The following SLC35F3 variants were observed in gnomAD, a reference collection of about 807,000 sequenced individuals.
SLC35F3 encodes solute carrier family 35 member F3, also known as putative thiamine transporter SLC35F3.
SLC35F3 carries 25 observed loss-of-function variants against 49.9 expected under a neutral mutation model. That is an observed-to-expected ratio of 0.50 (90% confidence interval 0.37 to 0.70). SLC35F3 has a LOEUF of 0.70. Ranked by LOEUF, SLC35F3 falls within the 30% of genes least tolerant of loss-of-function variation. The pLI, the probability that SLC35F3 is intolerant of heterozygous loss-of-function variation, is 0.00. For missense variants in SLC35F3, 525 were observed against 639.8 expected (o/e 0.82, Z 1.94); for synonymous variants, 275 against 265.4 (o/e 1.04, Z -0.35).
intron 2 of SLC35F3, among the ~76,000 whole-genome samples, chr1:234,134,426 G>C (rs565656547): frequency 1.4e-5 from 2 of 147,860 alleles, no homozygotes; most frequent in Non-Finnish European, 3.0e-5. Flanking sequence ...ATGTATATTC[G>C]TGTAAATTAT....
At chr1:234,126,172 T>C (rs930471068) in intron 2 of SLC35F3, among the ~76,000 whole-genome samples, 3 of 152,214 alleles carry the variant, frequency 2.0e-5, no homozygotes, top group African/African-American at 4.8e-5. Context: ...ATTTTCTAAC[T>C]GCATCTTTCA....
intron 2 of SLC35F3, among the ~76,000 whole-genome samples, chr1:234,193,390 C>T (rs1191793118): frequency 6.6e-6 from 1 of 152,048 alleles, no homozygotes; most frequent in African/African-American, 2.4e-5. Context: ...TGGCAAGCTG[C>T]ATATAGGAGG....
chr1:234,121,185 G>A (rs1233276167), intron 2 of SLC35F3, among the ~76,000 whole-genome samples: 3 of 135,332 alleles, frequency 2.2e-5, no homozygotes, highest in Non-Finnish European at 4.6e-5. Flanking sequence ...GGCCCAGGCT[G>A]GACTGCAGTG....
intron 3 of SLC35F3, among the ~76,000 whole-genome samples, chr1:234,277,510 A>C (rs1273061737): frequency 6.6e-6 from 1 of 152,226 alleles, no homozygotes. Context: ...GCATAGGTAG[A>C]AAAACGTTTT....
At chr1:233,934,904 A>G (rs1662299442) in intron 2 of SLC35F3, among the ~76,000 whole-genome samples, 1 of 151,566 alleles carries the variant, frequency 6.6e-6, no homozygotes, top group Admixed American at 6.6e-5. Flanking sequence ...TAGCTTACAT[A>G]CATTCTAATC....
At chr1:233,956,080 G>T (rs895630439) in intron 2 of SLC35F3, among the ~76,000 whole-genome samples, 10 of 151,694 alleles carry the variant, frequency 6.6e-5, no homozygotes, top group African/African-American at 2.2e-4. Flanking sequence ...TGAAGACAGG[G>T]TTTCACCATG....
chr1:234,069,186 T>A (rs1664675940), intron 2 of SLC35F3, among the ~76,000 whole-genome samples: 1 of 139,178 alleles, frequency 7.2e-6, no homozygotes, highest in African/African-American at 2.6e-5. Flanking sequence ...ATATAAAATT[T>A]TATATATAAA....
At chr1:234,315,342 G>T (rs1657462350) in intron 4 of SLC35F3, among the ~76,000 whole-genome samples, 1 of 152,216 alleles carries the variant, frequency 6.6e-6, no homozygotes. Flanking sequence ...AACATCTTTT[G>T]TTTTAACTAC....
intron 3 of SLC35F3, among the ~76,000 whole-genome samples, chr1:234,290,824 C>T (rs896981896): frequency 2.6e-5 from 4 of 152,200 alleles, no homozygotes; most frequent in Admixed American, 2.6e-4. Flanking sequence ...CATTAAAGAA[C>T]CTGAGGGTTC....
chr1:234,216,859 C>T lies in SLC35F3; in HGVS notation c.284-14558C>T, dbSNP rs527598949. ...CTGGCAAGCCCCCAGTTGCATTTTTCGTGGGATACCTACAAGTATCCCATG... is the reference window on the plus strand; with the variant it reads ...CTGGCAAGCCCCCAGTTGCATTTTTTGTGGGATACCTACAAGTATCCCATG... On this transcript the variant is annotated intron_variant, in intron 2 of 7. Transcript: ENST00000366618. 7.9e-5 allele frequency among the ~76,000 whole-genome samples: 12 copies of T among 152,240 alleles called. No homozygotes were observed. In the South Asian group the frequency reaches 2.1e-3, roughly 26 times the overall value.
chr1:233,912,231 A>G (rs1206472037), intron 2 of SLC35F3, among the ~76,000 whole-genome samples: 1 of 152,102 alleles, frequency 6.6e-6, no homozygotes, highest in African/African-American at 2.4e-5. Context: ...TGTAATCTCA[A>G]TGCTTTGGGA....
chr1:234,030,852 A>T (rs1558210055), intron 2 of SLC35F3, among the ~76,000 whole-genome samples: 1 of 152,202 alleles, frequency 6.6e-6, no homozygotes, highest in Non-Finnish European at 1.5e-5. Context: ...GATGATTCTA[A>T]CAGTTACTCT....
At chr1:233,954,846 AT>A (rs532378311) in intron 2 of SLC35F3, among the ~76,000 whole-genome samples, 1 of 151,900 alleles carries the variant, frequency 6.6e-6, no homozygotes, top group Non-Finnish European at 1.5e-5. Context: ...CCAGTCTTCA[AT>A]TTTTTTTCTT....
intron 2 of SLC35F3, among the ~76,000 whole-genome samples, chr1:234,020,430 C>G (rs1333047744): frequency 6.6e-6 from 1 of 152,058 alleles, no homozygotes; most frequent in East Asian, 1.9e-4. Context: ...CCTTGTTCTT[C>G]CTGACATTAA....
chr1:234,149,221 C>T lies in SLC35F3; in HGVS notation c.284-82196C>T, dbSNP rs998126296. Among the ~76,000 whole-genome samples the T allele has an allele frequency of 7.2e-5, 11 of 152,060 alleles. No homozygotes were observed. The East Asian group carries it at 1.7e-3, about 24-fold the overall frequency. ...GAGTGAAGATGGAACATTACAGGGCCCCTTGGGGACATAAAATACCCATGG... is the reference window on the plus strand; with the variant it reads ...GAGTGAAGATGGAACATTACAGGGCTCCTTGGGGACATAAAATACCCATGG... On this transcript the variant is annotated intron_variant, in intron 2 of 7. Transcript: ENST00000366618.
chr1:234,159,508 C>T (rs1666197194), intron 2 of SLC35F3, among the ~76,000 whole-genome samples: 1 of 143,396 alleles, frequency 7.0e-6, no homozygotes, highest in Non-Finnish European at 1.5e-5. Flanking sequence ...ACCCGGGAGG[C>T]AGAGGTTGCA....
intron 3 of SLC35F3, among the ~76,000 whole-genome samples, chr1:234,306,882 A>G (rs185463796): frequency 2.2e-4 from 33 of 152,322 alleles, no homozygotes; most frequent in Non-Finnish European, 3.7e-4. Context: ...ATTGTTTTTC[A>G]TGACAGTGAG....
intron 2 of SLC35F3, chr1:234,212,986 A>C (rs1484505462): frequency 1.3e-5 from 2 of 152,246 alleles, no homozygotes; most frequent in Non-Finnish European, 2.9e-5. Flanking sequence ...GTGAGGAAGC[A>C]ACCCTGAGAA....
intron 2 of SLC35F3, among the ~76,000 whole-genome samples, chr1:234,025,523 G>T (rs1663964616): frequency 6.6e-6 from 1 of 152,186 alleles, no homozygotes; most frequent in Non-Finnish European, 1.5e-5. Flanking sequence ...TGACTGGTTT[G>T]AGATGGTGTC....
Sources: allele counts gnomAD v4.1 joint callset (sites outside exome capture counted in the v4.1 genomes callset), GRCh38; gene constraint gnomAD v4.1.1; transcripts MANE v1.5; gene names NCBI Gene and HGNC (gene_info 2026-07-23, HGNC 2026-07-21).